DENND1A: variants seen among roughly 807,000 people sequenced by gnomAD.
DENND1A encodes the protein DENN domain containing 1A.
DENND1A carries 51 observed loss-of-function variants against 113.7 expected under a neutral mutation model. The ratio of observed to expected loss-of-function variants is 0.45; its 90% CI spans 0.36 to 0.57. The LOEUF (loss-of-function observed/expected upper bound fraction) is 0.57, where lower values mean the gene tolerates loss of function less well. Ranked by LOEUF, DENND1A falls within the 20% of genes least tolerant of loss-of-function variation. The pLI, the probability that DENND1A is intolerant of heterozygous loss-of-function variation, is 0.00. For synonymous variants in DENND1A, 565 were observed against 570.8 expected, an observed-to-expected ratio of 0.99 and a Z score of 0.14; for missense variants, 1,258 against 1,395.9, an observed-to-expected ratio of 0.90 and a Z score of 1.57.
intron 5 of DENND1A, among the ~76,000 whole-genome samples, chr9:123,724,983 C>A (rs1380369652): frequency 6.6e-6 from 1 of 152,160 alleles, no homozygotes; most frequent in Non-Finnish European, 1.5e-5. Flanking sequence ...TTAACAAATG[C>A]ATCTTCAGGA....
At chr9:123,659,619 C>T (rs148060957) in intron 8 of DENND1A, among the ~76,000 whole-genome samples, 1,857 of 152,294 alleles carry the variant, frequency 0.012, 15 homozygotes, top group Non-Finnish European at 0.021. Context: ...GTCCTTGGAA[C>T]GCTACATTTA....
intron 12 of DENND1A, among the ~76,000 whole-genome samples, chr9:123,582,798 C>G (rs192378920): frequency 6.6e-6 from 1 of 152,144 alleles, no homozygotes; most frequent in Non-Finnish European, 1.5e-5. Context: ...CTCCCGGGTT[C>G]AAGTGATTCT....
intron 13 of DENND1A, among the ~76,000 whole-genome samples, chr9:123,521,315 C>T (rs963859826): frequency 1.3e-5 from 2 of 152,148 alleles, no homozygotes; most frequent in African/African-American, 4.8e-5. Context: ...CACCCATGCT[C>T]AAATAAGCCC....
intron 12 of DENND1A, among the ~76,000 whole-genome samples, chr9:123,559,702 T>C (rs2057626289): frequency 6.6e-6 from 1 of 152,228 alleles, no homozygotes; most frequent in African/African-American, 2.4e-5. Context: ...ATAAAATTCA[T>C]TCATTTAAAG....
intron 2 of DENND1A, among the ~76,000 whole-genome samples, chr9:123,801,180 T>C (rs1280615794): frequency 6.6e-6 from 1 of 152,262 alleles, no homozygotes; most frequent in Non-Finnish European, 1.5e-5. Flanking sequence ...TACAATTTAC[T>C]ATTTTGACCA....
At chr9:123,613,725 C>T (rs970813875) in intron 10 of DENND1A, among the ~76,000 whole-genome samples, 2 of 152,168 alleles carry the variant, frequency 1.3e-5, no homozygotes, top group Non-Finnish European at 2.9e-5. Flanking sequence ...ATAATATTAA[C>T]AGTTATAACC....
At chr9:123,531,554 TACACACACACACACACACACAC>T (rs57819030) in intron 13 of DENND1A, among the ~76,000 whole-genome samples, 20 of 103,128 alleles carry the variant, frequency 1.9e-4, no homozygotes, top group Non-Finnish European at 3.5e-4. Context: ...CCTCTCTCTC[TACACACACACACACACACACAC>T]ACACACACAC....
chr9:123,476,183 CAA>C (rs796448765), intron 13 of DENND1A, among the ~76,000 whole-genome samples: 6 of 123,408 alleles, frequency 4.9e-5, no homozygotes, highest in African/African-American at 8.9e-5. Flanking sequence ...GACCACATCT[CAA>C]AAAAAAAAAA....
chr9:123,865,171 G>C (rs775800350), intron 2 of DENND1A, among the ~76,000 whole-genome samples: 42 of 152,208 alleles, frequency 2.8e-4, no homozygotes, highest in Middle Eastern at 6.8e-3. Flanking sequence ...TTAAAAAAAA[G>C]CTTTCAAAAC....
chr9:123,744,204 G>A (rs1186593543), intron 5 of DENND1A, among the ~76,000 whole-genome samples: 2 of 152,120 alleles, frequency 1.3e-5, no homozygotes, highest in South Asian at 4.1e-4. Context: ...TAATACTTTG[G>A]GATCCGATCC....
rs531560256 is a variant in DENND1A at position 123,576,899 on chromosome 9, C to T, written c.867+6270G>A. On this transcript the variant is annotated intron_variant, in intron 12 of 23. Coordinates refer to ENST00000394215, the MANE Select transcript of DENND1A (RefSeq NM_001352964.2). ...AATTACTTCTCATACCTTTTTCTCT[C>T]TGGCTAATTTAAGCTTTTCTTGGTT... is the stretch of plus-strand genomic sequence containing the variant. Among the ~76,000 whole-genome samples, 3 of 152,248 alleles carry T rather than the reference C, an allele frequency of 2.0e-5. No homozygotes were observed. In the South Asian group the frequency reaches 6.2e-4, roughly 32 times the overall value.
chr9:123,826,792 C>A (rs931843539), intron 2 of DENND1A, among the ~76,000 whole-genome samples: 3 of 152,188 alleles, frequency 2.0e-5, no homozygotes, highest in African/African-American at 7.2e-5. Flanking sequence ...GGATTAAGCA[C>A]CAACTAGATT....
At chr9:123,660,215 T>G (rs2063161262) in intron 8 of DENND1A, among the ~76,000 whole-genome samples, 1 of 152,104 alleles carries the variant, frequency 6.6e-6, no homozygotes, top group South Asian at 2.1e-4. Flanking sequence ...CTCTAAGGAT[T>G]AAAGTGGAAG....
At chr9:123,862,990 G>A (rs930364347) in intron 2 of DENND1A, among the ~76,000 whole-genome samples, 34 of 152,312 alleles carry the variant, frequency 2.2e-4, no homozygotes, top group African/African-American at 7.2e-4. Flanking sequence ...AAATAGGATT[G>A]TGATGGAGGT....
intron 13 of DENND1A, among the ~76,000 whole-genome samples, chr9:123,476,685 A>C (rs1001384306): frequency 6.6e-6 from 1 of 152,222 alleles, no homozygotes; most frequent in Non-Finnish European, 1.5e-5. Context: ...CTAGTAGTAC[A>C]AGGGTAACAG....
chr9:123,409,587 T>C (rs1367466020), intron 20 of DENND1A, among the ~76,000 whole-genome samples: 3 of 151,694 alleles, frequency 2.0e-5, no homozygotes, highest in Non-Finnish European at 4.4e-5. Context: ...GATGACCTTA[T>C]TTGCAGTTGA....
chr9:123,434,904 T>G (rs2046404265), intron 19 of DENND1A, among the ~76,000 whole-genome samples: 1 of 152,172 alleles, frequency 6.6e-6, no homozygotes, highest in East Asian at 1.9e-4. Flanking sequence ...GTTAGGAGCC[T>G]GTGAAACAGT....
intron 5 of DENND1A, among the ~76,000 whole-genome samples, chr9:123,702,825 T>C (rs1382823240): frequency 3.9e-5 from 6 of 152,150 alleles, no homozygotes; most frequent in Non-Finnish European, 8.8e-5. Context: ...TTCCTTAAGC[T>C]GAAAGAAAAG....
chr9:123,892,248 T>C (rs1458835718), intron 1 of DENND1A, among the ~76,000 whole-genome samples: 1 of 152,204 alleles, frequency 6.6e-6, no homozygotes, highest in African/African-American at 2.4e-5. Context: ...CCAGCCGAAG[T>C]GGAAAACTCA....
Sources: allele counts gnomAD v4.1 joint callset (sites outside exome capture counted in the v4.1 genomes callset), GRCh38; gene constraint gnomAD v4.1.1; transcripts MANE v1.5; gene names NCBI Gene and HGNC (gene_info 2026-07-23, HGNC 2026-07-21).